The following PHF21A variants were observed in gnomAD, a reference collection of about 807,000 sequenced individuals.
PHF21A encodes the protein BHC80a.
A neutral mutation model predicts 82.5 loss-of-function variants in PHF21A; 11 were observed. The ratio of observed to expected loss-of-function variants is 0.13; its 90% CI spans 0.08 to 0.22. PHF21A has a LOEUF of 0.22. Among genes scored for constraint, PHF21A ranks in the 10% least tolerant of loss-of-function variants. PHF21A has a pLI of 1.00. For synonymous variants in PHF21A, 297 were observed against 302.8 expected (o/e 0.98, Z 0.20); for missense variants, 579 against 837.8 (o/e 0.69, Z 3.81).
At chr11:46,087,584 T>C (rs1295898240) in intron 3 of PHF21A, among the ~76,000 whole-genome samples, 2 of 152,208 alleles carry the variant, frequency 1.3e-5, no homozygotes, top group Non-Finnish European at 2.9e-5. Flanking sequence ...TTCTGGATAG[T>C]AATTTTAAGA....
chr11:46,022,512 G>A (rs2095651394), intron 6 of PHF21A, among the ~76,000 whole-genome samples: 1 of 152,138 alleles, frequency 6.6e-6, no homozygotes, highest in African/African-American at 2.4e-5. Context: ...CCTAGGCTAG[G>A]TTGCAGTGGC....
chr11:46,063,750 T>A (rs1044121439), intron 6 of PHF21A, among the ~76,000 whole-genome samples: 2 of 152,196 alleles, frequency 1.3e-5, no homozygotes, highest in Non-Finnish European at 2.9e-5. Flanking sequence ...AAGAGTTATA[T>A]ATAATTTTAT....
chr11:45,954,516 G>A (rs1008622356), intron 10 of PHF21A, among the ~76,000 whole-genome samples: 4 of 151,974 alleles, frequency 2.6e-5, no homozygotes, highest in Non-Finnish European at 4.4e-5. Flanking sequence ...CTTGCAAGAG[G>A]CTGACTTCCT....
chr11:45,987,446 G>C lies in PHF21A; in HGVS notation c.154-7480C>G, dbSNP rs148783451. 6.8e-3 allele frequency among the ~76,000 whole-genome samples: 1,034 copies of C among 151,826 alleles called. 9 individuals carry two copies. The highest frequency in any genetic ancestry group is 0.024 in the African/African-American group (983 of 41,350). On this transcript the variant is annotated intron_variant, in intron 6 of 18. Transcript: ENST00000676320. ...GGAGGCCGAGGTGGGCGAATCACAA[G>C]GTCAGGAGTTCGAGACCAGCCTGGC... is the stretch of plus-strand genomic sequence containing the variant.
At chr11:46,069,023 A>T (rs2096626703) in intron 6 of PHF21A, among the ~76,000 whole-genome samples, 1 of 152,178 alleles carries the variant, frequency 6.6e-6, no homozygotes, top group Non-Finnish European at 1.5e-5. Context: ...GCAGCAACAG[A>T]CACAATCACA....
intron 6 of PHF21A, among the ~76,000 whole-genome samples, chr11:46,050,735 A>T (rs7114506): frequency 6.6e-6 from 1 of 152,048 alleles, no homozygotes; most frequent in Non-Finnish European, 1.5e-5. Flanking sequence ...GGAATTAATA[A>T]GATTTTTAAA....
intron 1 of PHF21A, among the ~76,000 whole-genome samples, chr11:46,099,197 AG>A (rs1488516555): frequency 2.0e-5 from 3 of 152,184 alleles, no homozygotes; most frequent in Admixed American, 1.3e-4. Context: ...ATTAAAGCAC[AG>A]TAAACCCAAC....
intron 10 of PHF21A, 117 bp from the exon 11 acceptor site, chr11:45,953,742 A>G (rs543609373): frequency 3.0e-6 from 2 of 666,284 alleles, no homozygotes; most frequent in Non-Finnish European, 5.3e-6. Flanking sequence ...CAAATGTGGA[A>G]CATATTAATA....
At chr11:46,113,014 A>G (rs750425450) in intron 1 of PHF21A, among the ~76,000 whole-genome samples, 5 of 152,264 alleles carry the variant, frequency 3.3e-5, no homozygotes, top group Non-Finnish European at 7.3e-5. Context: ...GAATTTGAGC[A>G]GCATAATAAT....
chr11:46,008,714 T>C (rs148975167), intron 6 of PHF21A, among the ~76,000 whole-genome samples: 1 of 152,202 alleles, frequency 6.6e-6, no homozygotes, highest in African/African-American at 2.4e-5. Flanking sequence ...AATAATAATA[T>C]ATGTTTTACA....
chr11:46,078,107 G>A (rs553589890), intron 5 of PHF21A, among the ~76,000 whole-genome samples: 2 of 152,002 alleles, frequency 1.3e-5, no homozygotes, highest in Non-Finnish European at 2.9e-5. Flanking sequence ...AATTTAAATT[G>A]TGACTATACC....
intron 1 of PHF21A, among the ~76,000 whole-genome samples, chr11:46,103,331 G>T (rs750558903): frequency 3.9e-5 from 6 of 152,080 alleles, no homozygotes; most frequent in African/African-American, 1.4e-4. Flanking sequence ...CTATATATTT[G>T]CTATGCTAAT....
intron 1 of PHF21A, among the ~76,000 whole-genome samples, chr11:46,110,948 G>C (rs890631512): frequency 8.0e-4 from 121 of 151,790 alleles, no homozygotes; most frequent in African/African-American, 2.6e-3. Context: ...ACCACGCCCA[G>C]CTAATTTTCT....
chr11:45,990,102 T>A (rs1203764816), intron 6 of PHF21A, among the ~76,000 whole-genome samples: 3 of 152,000 alleles, frequency 2.0e-5, no homozygotes, highest in African/African-American at 7.3e-5. Context: ...CAAAATCTAA[T>A]CCACAAATTT....
rs571250747 is a variant in PHF21A, at chr11:46,038,558, C to A, written c.153+38196G>T. On this transcript the variant is annotated intron_variant, in intron 6 of 18. Transcript: ENST00000676320. ...GTTTACTGTTGTTTATGATATAATA[C>A]CTGAAACTAGGTAATTTATAAAGAA... 1.3e-4 allele frequency among the ~76,000 whole-genome samples: 20 copies of A among 152,172 alleles called. No homozygotes were observed. The South Asian group carries it at 3.3e-3, about 25-fold the overall frequency.
At chr11:46,003,559 G>T (rs1565490746) in intron 6 of PHF21A, among the ~76,000 whole-genome samples, 1 of 152,112 alleles carries the variant, frequency 6.6e-6, no homozygotes, top group African/African-American at 2.4e-5. Context: ...CCATAATGAT[G>T]ATGACATTTT....
rs150537895 is a variant in PHF21A at position 46,079,733 on chromosome 11, A to G, written c.55-567T>C. Among the ~76,000 whole-genome samples the G allele has an allele frequency of 3.3e-5, 5 of 152,276 alleles. No individual in the cohort carries two copies. The East Asian group carries it at 9.7e-4, about 29-fold the overall frequency. On this transcript the variant is annotated intron_variant, in intron 4 of 18. Transcript: ENST00000676320. Reference sequence around the variant, plus strand: ...TTGAGAACAAGGAAGTGCAGGAACAATACAAAACTCTATCTAACTCGATTC... The same window carrying G: ...TTGAGAACAAGGAAGTGCAGGAACAGTACAAAACTCTATCTAACTCGATTC...
At chr11:46,064,727 T>C (rs925495891) in intron 6 of PHF21A, among the ~76,000 whole-genome samples, 4 of 152,216 alleles carry the variant, frequency 2.6e-5, no homozygotes, top group Non-Finnish European at 5.9e-5. Context: ...CAAAACACCA[T>C]ATTAATATCA....
intron 6 of PHF21A, among the ~76,000 whole-genome samples, chr11:46,021,529 C>CGTGCATGTGTGT (rs969124762): frequency 6.6e-6 from 1 of 151,850 alleles, no homozygotes; most frequent in Non-Finnish European, 1.5e-5. Context: ...CATGTGTGTG[C>CGTGCATGTGTGT]GTGCATGTGT....
Sources: gnomAD v4.1 joint callset for allele counts (sites outside exome capture counted in the v4.1 genomes callset) on GRCh38, gnomAD v4.1.1 for gene constraint, MANE v1.5 for transcripts, NCBI Gene and HGNC (gene_info 2026-07-23, HGNC 2026-07-21) for gene names.